Variants in ASTN2 observed in about 807,000 individuals in gnomAD.
ASTN2 encodes the protein astrotactin-2.
ASTN2 carries 54 observed loss-of-function variants against 139.8 expected under a neutral mutation model. The observed-to-expected ratio is 0.39, with a 90% CI of 0.31 to 0.48. ASTN2 has a LOEUF of 0.48. ASTN2 is among the 20% of genes least tolerant of loss of function. ASTN2 has a pLI of 0.95. For synonymous variants in ASTN2, 756 were observed against 719.5 expected (o/e 1.05, Z -0.81); for missense variants, 1,565 against 1,725.1 (o/e 0.91, Z 1.64).
At chr9:116,759,512 C>T (rs956322517) in intron 13 of ASTN2, among the ~76,000 whole-genome samples, 6 of 152,114 alleles carry the variant, frequency 3.9e-5, no homozygotes, top group Non-Finnish European at 7.4e-5. Flanking sequence ...CACAACCATG[C>T]TCTTCTCTTC....
At chr9:116,702,117 A>G (rs1328332691) in intron 16 of ASTN2, among the ~76,000 whole-genome samples, 1 of 152,114 alleles carries the variant, frequency 6.6e-6, no homozygotes, top group Admixed American at 6.5e-5. Flanking sequence ...AGCATTGCTT[A>G]CCTTATAGTT....
intron 1 of ASTN2, among the ~76,000 whole-genome samples, chr9:117,404,861 A>AG (rs1830937886): frequency 6.6e-6 from 1 of 152,158 alleles, no homozygotes; most frequent in Non-Finnish European, 1.5e-5. Context: ...GGGAAAAAAA[A>AG]GAAGGAAAGG....
chr9:117,038,956 G>A (rs561665361), intron 6 of ASTN2, among the ~76,000 whole-genome samples: 1 of 152,230 alleles, frequency 6.6e-6, no homozygotes, highest in South Asian at 2.1e-4. Context: ...TATATTTACA[G>A]GGAATGAGCA....
chr9:116,665,440 AC>A (rs966405372), intron 16 of ASTN2, among the ~76,000 whole-genome samples: 20 of 152,250 alleles, frequency 1.3e-4, no homozygotes, highest in Admixed American at 1.3e-3. Context: ...AAAACTTACG[AC>A]TTGTTTTTGT....
chr9:116,746,083 CTTTTTTTTTT>C (rs745554164), intron 13 of ASTN2, among the ~76,000 whole-genome samples: 1 of 124,264 alleles, frequency 8.0e-6, no homozygotes, highest in African/African-American at 3.0e-5. Flanking sequence ...AAACTGAGTA[CTTTTTTTTTT>C]TTTTTTTTTT....
At chr9:116,743,473 C>T (rs1164039839) in intron 13 of ASTN2, among the ~76,000 whole-genome samples, 1 of 152,122 alleles carries the variant, frequency 6.6e-6, no homozygotes, top group Non-Finnish European at 1.5e-5. Context: ...AGGAGAATGG[C>T]GTGAACCCAG....
intron 3 of ASTN2, among the ~76,000 whole-genome samples, chr9:117,195,430 G>A (rs1479967299): frequency 6.6e-6 from 1 of 152,188 alleles, no homozygotes; most frequent in Non-Finnish European, 1.5e-5. Flanking sequence ...TGTGACTGGA[G>A]TGATCACAAC....
At chr9:117,147,163 G>A (rs1203632344) in intron 3 of ASTN2, among the ~76,000 whole-genome samples, 1 of 152,156 alleles carries the variant, frequency 6.6e-6, no homozygotes, top group Non-Finnish European at 1.5e-5. Flanking sequence ...CCCTGGAGAA[G>A]AGGCACTACA....
chr9:117,281,583 C>T (rs1300319929), intron 2 of ASTN2, among the ~76,000 whole-genome samples: 4 of 152,154 alleles, frequency 2.6e-5, no homozygotes, highest in African/African-American at 7.2e-5. Context: ...TTTTGTGTTG[C>T]TGTTAAAATA....
At chr9:117,007,169 C>T (rs1200091833) in intron 7 of ASTN2, among the ~76,000 whole-genome samples, 2 of 152,120 alleles carry the variant, frequency 1.3e-5, no homozygotes, top group African/African-American at 4.8e-5. Flanking sequence ...CAAATGTCAT[C>T]TTCTCAGAGA....
At chr9:117,276,727 T>A (rs1834200084) in intron 2 of ASTN2, among the ~76,000 whole-genome samples, 1 of 151,802 alleles carries the variant, frequency 6.6e-6, no homozygotes, top group Non-Finnish European at 1.5e-5. Flanking sequence ...GAGAGGGGGA[T>A]GAGATAAGGC....
chr9:117,049,887 T>A (rs911820541), intron 5 of ASTN2, among the ~76,000 whole-genome samples: 11 of 152,182 alleles, frequency 7.2e-5, no homozygotes, highest in Non-Finnish European at 1.3e-4. Flanking sequence ...ACTCAATAGA[T>A]TAAATTGCAG....
At chr9:117,177,332 T>A (rs1830941535) in intron 3 of ASTN2, among the ~76,000 whole-genome samples, 1 of 152,168 alleles carries the variant, frequency 6.6e-6, no homozygotes, top group Admixed American at 6.5e-5. Flanking sequence ...GAGGGACAAA[T>A]CAGTTAAATA....
rs1397270494 is a variant in ASTN2, at chr9:116,458,987, T to C, written c.3498-16434A>G. Reference sequence around the variant, plus strand: ...AAAGAAAAAAAAGCTGGAGTACTTATACATTCTGATTTCAAAATTTATTAC... The same window carrying C: ...AAAGAAAAAAAAGCTGGAGTACTTACACATTCTGATTTCAAAATTTATTAC... On this transcript the variant is annotated intron_variant, in intron 20 of 22. Transcript: ENST00000313400. Among the ~76,000 whole-genome samples, 10 of 152,068 alleles carry C rather than the reference T, an allele frequency of 6.6e-5. No individual in the cohort carries two copies. The East Asian group carries it at 1.3e-3, about 20-fold the overall frequency.
intron 14 of ASTN2, among the ~76,000 whole-genome samples, chr9:116,731,172 T>A (rs1409793007): frequency 7.9e-6 from 1 of 127,266 alleles, no homozygotes; most frequent in Non-Finnish European, 1.7e-5. Context: ...GGAGGAATTT[T>A]TCCTGGTAAT....
chr9:117,071,255 T>C lies in ASTN2; in HGVS notation c.1276+24789A>G, dbSNP rs956777152. Among the ~76,000 whole-genome samples the C allele has an allele frequency of 1.8e-3, 278 of 151,514 alleles. 3 individuals are homozygous for C. The highest frequency in any genetic ancestry group is 1.8e-3 in the Non-Finnish European group (124 of 67,590). On this transcript the variant is annotated intron_variant, in intron 5 of 22. Transcript: ENST00000313400. The stretch of plus-strand genomic sequence containing the variant: ...GACAGGACCCTCAGCTGCAGGTCTG[T>C]TGGAATACCCTGCCGTGTGAGGTGT...
intron 15 of ASTN2, among the ~76,000 whole-genome samples, chr9:116,728,686 T>A (rs1236598788): frequency 6.6e-6 from 1 of 152,118 alleles, no homozygotes; most frequent in Admixed American, 6.5e-5. Context: ...ATACTGTTTA[T>A]CCCTACTCTC....
chr9:116,458,072 T>A (rs1255621755), intron 20 of ASTN2, among the ~76,000 whole-genome samples: 3 of 151,858 alleles, frequency 2.0e-5, no homozygotes. Flanking sequence ...CTGGAGGACA[T>A]TATGTTAAGT....
At chr9:117,298,842 A>T (rs1834806090) in intron 1 of ASTN2, among the ~76,000 whole-genome samples, 1 of 151,706 alleles carries the variant, frequency 6.6e-6, no homozygotes, top group Non-Finnish European at 1.5e-5. Context: ...ACAGTGGCTG[A>T]ACTGAATAGG....
Sources: allele counts gnomAD v4.1 joint callset (sites outside exome capture counted in the v4.1 genomes callset), GRCh38; gene constraint gnomAD v4.1.1; transcripts MANE v1.5; gene names NCBI Gene and HGNC (gene_info 2026-07-23, HGNC 2026-07-21).